Variants in DLGAP1 observed in about 807,000 individuals in gnomAD.
DLGAP1 encodes DLG associated protein 1.
In DLGAP1, 11 loss-of-function variants were observed where a neutral mutation model predicts 90.8. The observed-to-expected ratio is 0.12, with a 90% CI of 0.08 to 0.20. The LOEUF is 0.20. Ranked by LOEUF, DLGAP1 falls within the 10% of genes least tolerant of loss-of-function variation. The probability of loss-of-function intolerance (pLI) is 1.00; values close to 1 mark genes in which losing one functional copy is unlikely to be tolerated. For missense variants in DLGAP1, 1,050 were observed against 1,333.8 expected, an observed-to-expected ratio of 0.79 and a Z score of 3.31; for synonymous variants, 558 against 540.7, an observed-to-expected ratio of 1.03 and a Z score of -0.44.
chr18:3,861,494 C>T (rs1411222277), intron 4 of DLGAP1, among the ~76,000 whole-genome samples: 1 of 152,106 alleles, frequency 6.6e-6, no homozygotes, highest in Non-Finnish European at 1.5e-5. Flanking sequence ...TCACCCACTC[C>T]CCTGACTTTT....
chr18:4,202,620 A>T (rs182048735), intron 1 of DLGAP1, among the ~76,000 whole-genome samples: 378 of 152,364 alleles, frequency 2.5e-3, no homozygotes, highest in African/African-American at 8.8e-3. Flanking sequence ...AAAAAAATCA[A>T]GTATGGATTT....
At chr18:3,962,787 G>A (rs1322193241) in intron 3 of DLGAP1, among the ~76,000 whole-genome samples, 1 of 152,114 alleles carries the variant, frequency 6.6e-6, no homozygotes, top group African/African-American at 2.4e-5. Flanking sequence ...AAAAAGAGTG[G>A]CTTGGTCTTA....
chr18:3,593,266 A>C (rs371910490), intron 7 of DLGAP1, among the ~76,000 whole-genome samples: 1 of 152,274 alleles, frequency 6.6e-6, no homozygotes, highest in East Asian at 1.9e-4. Flanking sequence ...TGGAGTGGTC[A>C]ACAAGGGGTG....
intron 6 of DLGAP1, among the ~76,000 whole-genome samples, chr18:3,737,486 T>C (rs1234797827): frequency 6.8e-6 from 1 of 146,274 alleles, no homozygotes; most frequent in African/African-American, 2.5e-5. Flanking sequence ...AATCAATAAA[T>C]GTAATCCAGC....
chr18:4,451,013 C>T (rs1318315380), intron 1 of DLGAP1, among the ~76,000 whole-genome samples: 1 of 152,164 alleles, frequency 6.6e-6, no homozygotes, highest in East Asian at 1.9e-4. Flanking sequence ...GCTGGTTTTC[C>T]TAAGTGGGAT....
chr18:4,209,739 A>T (rs2077802281), intron 1 of DLGAP1, among the ~76,000 whole-genome samples: 1 of 152,164 alleles, frequency 6.6e-6, no homozygotes, highest in Non-Finnish European at 1.5e-5. Flanking sequence ...ATCATACAAA[A>T]TTTTGGGGGG....
chr18:3,598,231 G>C (rs2056696668), intron 7 of DLGAP1: 1 of 152,172 alleles, frequency 6.6e-6, no homozygotes. Flanking sequence ...CATGCCTGTA[G>C]TCCCAGCTGC....
At chr18:4,105,944 A>C (rs1022345083) in intron 2 of DLGAP1, among the ~76,000 whole-genome samples, 3 of 145,542 alleles carry the variant, frequency 2.1e-5, no homozygotes, top group African/African-American at 7.5e-5. Context: ...AGGCAGGAGA[A>C]TGGCGTGAAC....
At chr18:3,664,218 C>CACACACACACACA (rs1555620386) in intron 7 of DLGAP1, among the ~76,000 whole-genome samples, 4 of 75,774 alleles carry the variant, frequency 5.3e-5, no homozygotes, top group African/African-American at 2.3e-4. Flanking sequence ...ACACACACAC[C>CACACACACACACA]CACACACACA....
At chr18:4,003,437 GTTTT>G in intron 3 of DLGAP1, among the ~76,000 whole-genome samples, 1 of 130,370 alleles carries the variant, frequency 7.7e-6, no homozygotes. Flanking sequence ...TAATATCATT[GTTTT>G]TTTTTTTTTT....
At chr18:4,194,245 A>G (rs1303963297) in intron 1 of DLGAP1, among the ~76,000 whole-genome samples, 7 of 152,180 alleles carry the variant, frequency 4.6e-5, no homozygotes, top group Non-Finnish European at 8.8e-5. Context: ...CTTATAACTG[A>G]AAGCACGCAG....
intron 1 of DLGAP1, among the ~76,000 whole-genome samples, chr18:4,375,803 T>A (rs1223028798): frequency 1.3e-5 from 2 of 152,160 alleles, no homozygotes; most frequent in Admixed American, 6.6e-5. Context: ...GAGAGTTGAA[T>A]TTATCATACT....
intron 3 of DLGAP1, among the ~76,000 whole-genome samples, chr18:3,912,371 C>T (rs1051298272): frequency 3.9e-5 from 6 of 152,016 alleles, no homozygotes; most frequent in South Asian, 2.1e-4. Context: ...ACAATCTAGT[C>T]GGGGAGACTG....
At chr18:4,017,443 C>G (rs1658380003) in intron 2 of DLGAP1, among the ~76,000 whole-genome samples, 1 of 152,124 alleles carries the variant, frequency 6.6e-6, no homozygotes, top group African/African-American at 2.4e-5. Flanking sequence ...ATAATTATTT[C>G]TAACAAAAAA....
intron 8 of DLGAP1, among the ~76,000 whole-genome samples, chr18:3,578,588 C>T (rs971284587): frequency 2.0e-5 from 3 of 151,794 alleles, no homozygotes; most frequent in African/African-American, 7.3e-5. Flanking sequence ...ATCTCTTGAC[C>T]TCGTGATCTG....
intron 3 of DLGAP1, chr18:3,983,874 C>T (rs1274923049): frequency 1.3e-5 from 2 of 152,090 alleles, no homozygotes; most frequent in Non-Finnish European, 2.9e-5. Flanking sequence ...TTAGACAACA[C>T]CCCTATAATG....
chr18:4,410,964 C>T (rs2082764723), intron 1 of DLGAP1, among the ~76,000 whole-genome samples: 1 of 152,132 alleles, frequency 6.6e-6, no homozygotes, highest in South Asian at 2.1e-4. Flanking sequence ...AAAGCAGCAA[C>T]CCCCCAATAA....
chr18:4,363,771 G>C (rs2081687680), intron 1 of DLGAP1, among the ~76,000 whole-genome samples: 1 of 152,286 alleles, frequency 6.6e-6, no homozygotes, highest in East Asian at 1.9e-4. Context: ...TGCTGGAGAG[G>C]ATGTGGAGAA....
chr18:3,743,190 A>C (rs2063129812), intron 5 of DLGAP1, among the ~76,000 whole-genome samples: 1 of 152,138 alleles, frequency 6.6e-6, no homozygotes, highest in Non-Finnish European at 1.5e-5. Context: ...CAAGCTATAC[A>C]GATGTGCACA....
Sources: allele counts gnomAD v4.1 joint callset (sites outside exome capture counted in the v4.1 genomes callset), GRCh38; gene constraint gnomAD v4.1.1; transcripts MANE v1.5; gene names NCBI Gene and HGNC (gene_info 2026-07-23, HGNC 2026-07-21).